Variants in FILIP1L observed in about 807,000 individuals in gnomAD.
FILIP1L encodes the protein filamin A interacting protein 1 like.
A neutral mutation model predicts 96.6 loss-of-function variants in FILIP1L; 55 were observed. The ratio of observed to expected loss-of-function variants is 0.57; its 90% CI spans 0.46 to 0.71. FILIP1L has a LOEUF of 0.71. Among genes scored for constraint, FILIP1L ranks in the 30% least tolerant of loss-of-function variants. FILIP1L has a pLI of 0.00. For synonymous variants in FILIP1L, 467 were observed against 473.9 expected, an observed-to-expected ratio of 0.99 and a Z score of 0.19; for missense variants, 1,304 against 1,321.2, an observed-to-expected ratio of 0.99 and a Z score of 0.20.
intron 1 of FILIP1L, among the ~76,000 whole-genome samples, chr3:100,055,342 C>T (rs915016906): frequency 2.6e-5 from 4 of 152,182 alleles, no homozygotes; most frequent in Admixed American, 6.5e-5. Context: ...CTGGCACACT[C>T]AGTCCATCCA....
intron 1 of FILIP1L, among the ~76,000 whole-genome samples, chr3:100,038,080 C>T (rs1379168606): frequency 1.3e-5 from 2 of 151,752 alleles, no homozygotes; most frequent in South Asian, 2.1e-4. Context: ...CTCAGCCTCC[C>T]GAGTAGCTGG....
chr3:100,075,857 C>T (rs1196673071), intron 1 of FILIP1L, among the ~76,000 whole-genome samples: 1 of 152,188 alleles, frequency 6.6e-6, no homozygotes, highest in Non-Finnish European at 1.5e-5. Context: ...TTATCTTAAA[C>T]TCTACAAGCT....
chr3:100,028,315 T>C (rs1031322653), intron 1 of FILIP1L, among the ~76,000 whole-genome samples: 2 of 152,180 alleles, frequency 1.3e-5, no homozygotes, highest in African/African-American at 4.8e-5. Context: ...CAGCCTTTGT[T>C]CTTACTTAGC....
intron 1 of FILIP1L, among the ~76,000 whole-genome samples, chr3:100,019,841 T>C (rs927516586): frequency 6.6e-6 from 1 of 152,202 alleles, no homozygotes. Flanking sequence ...TTTCATTTTT[T>C]TAATGTACTT....
At chr3:99,955,738 CAT>C (rs1346828311) in intron 1 of FILIP1L, among the ~76,000 whole-genome samples, 2 of 152,070 alleles carry the variant, frequency 1.3e-5, no homozygotes, top group Non-Finnish European at 2.9e-5. Context: ...CTTGATTTTA[CAT>C]AGAGTATGGT....
At chr3:99,912,766 T>G (rs576519634) in intron 4 of FILIP1L, among the ~76,000 whole-genome samples, 1 of 152,330 alleles carries the variant, frequency 6.6e-6, no homozygotes, top group East Asian at 1.9e-4. Context: ...GATGGACATT[T>G]GGGTTGTTTT....
chr3:99,987,221 C>A (rs1231271361), intron 1 of FILIP1L, among the ~76,000 whole-genome samples: 1 of 126,684 alleles, frequency 7.9e-6, no homozygotes, highest in Non-Finnish European at 1.7e-5. Flanking sequence ...AGAGTAAGAC[C>A]CTGTCTCTTA....
At chr3:100,094,549 G>T (rs1015149330) in intron 1 of FILIP1L, among the ~76,000 whole-genome samples, 3 of 150,624 alleles carry the variant, frequency 2.0e-5, no homozygotes, top group African/African-American at 7.3e-5. Flanking sequence ...AGAATTTTAT[G>T]TTTTACATTT....
chr3:99,898,677 A>T, intron 4 of FILIP1L: 1 of 170,368 alleles, frequency 5.9e-6, no homozygotes, highest in South Asian at 1.1e-4. Flanking sequence ...GAGGCAGGAG[A>T]ATCACTTGAA....
At chr3:100,057,624 G>A (rs2065487665) in intron 1 of FILIP1L, among the ~76,000 whole-genome samples, 1 of 152,202 alleles carries the variant, frequency 6.6e-6, no homozygotes, top group African/African-American at 2.4e-5. Context: ...AGTTAGTTCA[G>A]TTGGTTGAAA....
At chr3:100,010,650 T>A (rs1396496532) in intron 1 of FILIP1L, among the ~76,000 whole-genome samples, 1 of 151,478 alleles carries the variant, frequency 6.6e-6, no homozygotes, top group African/African-American at 2.4e-5. Flanking sequence ...AGTGTCCCTC[T>A]GTCACCCAGG....
chr3:99,876,318 G>A (rs1378251707), intron 4 of FILIP1L: 4 of 538,762 alleles, frequency 7.4e-6, no homozygotes, highest in Non-Finnish European at 9.5e-6. Context: ...ACACACCCCA[G>A]CTCCCGCGGA....
intron 1 of FILIP1L, among the ~76,000 whole-genome samples, chr3:99,994,180 A>G (rs924970480): frequency 2.0e-5 from 3 of 152,062 alleles, no homozygotes; most frequent in Admixed American, 6.6e-5. Context: ...CAGGAGTACT[A>G]TTTCTTCCTG....
intron 1 of FILIP1L, among the ~76,000 whole-genome samples, chr3:99,957,913 GA>G (rs1346618937): frequency 6.7e-6 from 1 of 149,962 alleles, no homozygotes; most frequent in African/African-American, 2.4e-5. Context: ...CCTGTGTTTG[GA>G]ACCTGTTTAA....
intron 4 of FILIP1L, among the ~76,000 whole-genome samples, chr3:99,905,663 C>T (rs1012546355): frequency 1.3e-5 from 2 of 152,216 alleles, no homozygotes; most frequent in Non-Finnish European, 2.9e-5. Context: ...ATATTTCCAA[C>T]TCTGCCACTA....
intron 1 of FILIP1L, among the ~76,000 whole-genome samples, chr3:100,018,337 AAAAG>A (rs1043819247): frequency 4.5e-4 from 68 of 152,244 alleles, no homozygotes; most frequent in African/African-American, 1.5e-3. Flanking sequence ...CAAACAGAAA[AAAAG>A]AAAGAAAGGT....
intron 4 of FILIP1L, among the ~76,000 whole-genome samples, chr3:99,864,975 T>A (rs1427520739): frequency 6.6e-6 from 1 of 152,204 alleles, no homozygotes; most frequent in Non-Finnish European, 1.5e-5. Flanking sequence ...AATACTATAT[T>A]TCTGGTAGGG....
intron 1 of FILIP1L, among the ~76,000 whole-genome samples, chr3:100,047,388 A>G (rs2065294507): frequency 6.6e-6 from 1 of 151,898 alleles, no homozygotes; most frequent in Non-Finnish European, 1.5e-5. Flanking sequence ...ATTAATGACA[A>G]CTCTCCTCTT....
chr3:100,086,538 C>G (rs540204439), intron 1 of FILIP1L, among the ~76,000 whole-genome samples: 1 of 152,194 alleles, frequency 6.6e-6, no homozygotes, highest in South Asian at 2.1e-4. Context: ...CCTGTTTACC[C>G]AAATCAAATA....
Sources: allele counts gnomAD v4.1 joint callset (sites outside exome capture counted in the v4.1 genomes callset), GRCh38; gene constraint gnomAD v4.1.1; transcripts MANE v1.5; gene names NCBI Gene and HGNC (gene_info 2026-07-23, HGNC 2026-07-21).